The following MAOB variants were observed in gnomAD, a reference collection of about 807,000 sequenced individuals.
MAOB encodes the protein amine oxidase [flavin-containing] B.
Under a neutral mutation model 41.9 loss-of-function variants are expected in MAOB, and 15 were observed. That is an observed-to-expected ratio of 0.36 (90% CI 0.24 to 0.55). The LOEUF (loss-of-function observed/expected upper bound fraction) is 0.55. Ranked by LOEUF, MAOB falls within the 20% of genes least tolerant of loss-of-function variation. The pLI, the probability that MAOB is intolerant of heterozygous loss-of-function variation, is 0.86. For synonymous variants in MAOB, 167 were observed against 144.2 expected (o/e 1.16, Z -1.13); for missense variants, 345 against 398.7 (o/e 0.87, Z 1.15).
chrX:43,844,326 A>G (rs1244692558), intron 1 of MAOB: 2 of 112,269 alleles, frequency 1.8e-5, no homozygotes, highest in Non-Finnish European at 3.8e-5. Flanking sequence ...AATTCCATTC[A>G]TGACTAATTT....
chrX:43,848,495 T>C (rs1020888505), intron 1 of MAOB, among the ~76,000 whole-genome samples: 6 of 110,256 alleles, frequency 5.4e-5, no homozygotes, highest in Non-Finnish European at 9.5e-5. Flanking sequence ...ATATAGGCAT[T>C]CCCTTGGGAC....
At chrX:43,806,850 A>C in intron 3 of MAOB, among the ~76,000 whole-genome samples, 1 of 111,478 alleles carries the variant, frequency 9.0e-6, no homozygotes, top group South Asian at 3.8e-4. Context: ...TTTGTTGCTC[A>C]AATTATTCTA....
chrX:43,773,106 T>C (rs1441476776), intron 12 of MAOB, among the ~76,000 whole-genome samples: 2 of 112,387 alleles, frequency 1.8e-5, no homozygotes, highest in African/African-American at 6.5e-5. Flanking sequence ...CAGAAACCTG[T>C]GGGATCCTAG....
intron 1 of MAOB, among the ~76,000 whole-genome samples, chrX:43,857,084 AATATATATAT>A (rs1157628579): frequency 1.1e-3 from 26 of 22,719 alleles, no homozygotes; most frequent in African/African-American, 3.5e-3. Flanking sequence ...CTATTCTTTA[AATATATATAT>A]ATATATATAT....
At chrX:43,833,066 G>C (rs2035035721) in intron 3 of MAOB, among the ~76,000 whole-genome samples, 1 of 111,264 alleles carries the variant, frequency 9.0e-6, no homozygotes, top group African/African-American at 3.3e-5. Context: ...AACCAGCAGA[G>C]AGTGAGCTCT....
At chrX:43,825,383 A>AATTT (rs2034933342) in intron 3 of MAOB, among the ~76,000 whole-genome samples, 2 of 109,892 alleles carry the variant, frequency 1.8e-5, no homozygotes, top group South Asian at 7.8e-4. Flanking sequence ...ACCCATTTTT[A>AATTT]ATTTATTTAT....
intron 3 of MAOB, among the ~76,000 whole-genome samples, chrX:43,814,677 T>C (rs776197060): frequency 7.1e-5 from 8 of 111,936 alleles, no homozygotes; most frequent in Admixed American, 2.8e-4. Flanking sequence ...ATATATTCAA[T>C]TGGTGTTTGA....
chrX:43,787,358 AAAT>A (rs1346728423), intron 8 of MAOB, among the ~76,000 whole-genome samples: 1 of 111,711 alleles, frequency 9.0e-6, no homozygotes, highest in Non-Finnish European at 1.9e-5. Flanking sequence ...ATTAAAGGAA[AAAT>A]AATAATAAGG....
intron 4 of MAOB, 36 bp downstream of exon 4, chrX:43,803,264 C>CA: frequency 9.2e-7 from 1 of 1,087,792 alleles, no homozygotes; most frequent in Non-Finnish European, 1.2e-6. Flanking sequence ...AAACTTATTA[C>CA]AAAAAAGAAT....
At chrX:43,835,961 G>GAT (rs1275430212) in intron 3 of MAOB, among the ~76,000 whole-genome samples, 1 of 111,757 alleles carries the variant, frequency 8.9e-6, no homozygotes, top group African/African-American at 3.3e-5. Context: ...CAGATTCTTT[G>GAT]ATAGCAGGAT....
intron 13 of MAOB, 44 bp downstream of exon 13, chrX:43,769,263 C>A: frequency 3.5e-6 from 4 of 1,142,588 alleles, no homozygotes; most frequent in Non-Finnish European, 4.6e-6. Context: ...ATGTCAGGAC[C>A]ATGAGTTGCC....
chrX:43,880,074 C>T (rs2035463871), intron 1 of MAOB, among the ~76,000 whole-genome samples: 1 of 112,066 alleles, frequency 8.9e-6, no homozygotes, highest in Non-Finnish European at 1.9e-5. Context: ...TATTAAAGCA[C>T]CTATCATATG....
At chrX:43,769,523 CA>C (rs2034154493) in intron 12 of MAOB, 105 bp from the exon 13 acceptor site, 2 of 1,037,293 alleles carry the variant, frequency 1.9e-6, no homozygotes, top group Admixed American at 4.3e-5. Context: ...TCTAAACAAT[CA>C]AGAAGGACAT....
intron 3 of MAOB, among the ~76,000 whole-genome samples, chrX:43,826,536 G>A (rs1278758418): frequency 1.8e-5 from 2 of 112,418 alleles, no homozygotes; most frequent in Non-Finnish European, 3.7e-5. Flanking sequence ...TTGTATTGCT[G>A]TATTAGAATA....
chrX:43,833,821 C>T (rs1343847140), intron 3 of MAOB, among the ~76,000 whole-genome samples: 1 of 111,509 alleles, frequency 9.0e-6, no homozygotes, highest in South Asian at 3.7e-4. Context: ...ACCTTGGAGG[C>T]GGAAAATGAA....
chrX:43,780,652 T>C (rs1007602785), intron 9 of MAOB, among the ~76,000 whole-genome samples: 2 of 112,032 alleles, frequency 1.8e-5, no homozygotes, highest in Non-Finnish European at 3.8e-5. Flanking sequence ...GATAACACTA[T>C]GGCTGACCCA....
chrX:43,840,744 C>T (rs2035125609), intron 2 of MAOB, among the ~76,000 whole-genome samples: 1 of 110,862 alleles, frequency 9.0e-6, no homozygotes, highest in South Asian at 3.9e-4. Flanking sequence ...CCATGAGGAA[C>T]AGTGCATTCT....
intron 12 of MAOB, among the ~76,000 whole-genome samples, chrX:43,770,486 G>T (rs977982782): frequency 2.7e-5 from 3 of 111,823 alleles, no homozygotes; most frequent in Non-Finnish European, 5.6e-5. Context: ...ATTTGCTCTC[G>T]GTCACAGCTA....
chrX:43,882,326 T>C lies in MAOB; in HGVS notation c.-27A>G, dbSNP rs772436891. The C allele has an allele frequency of 2.6e-5, 31 of 1,197,221 alleles. No homozygotes were observed. The South Asian group carries it at 5.5e-4, about 21-fold the overall frequency. On this transcript the variant is annotated 5_prime_UTR_variant, in exon 1 of 15. Transcript: ENST00000378069. ...GCGCTCGCCCCGTTCCAGGCCTCCC[T>C]GGTGCCCGCTGCTCCGTTTTCTGGG... is the stretch of plus-strand genomic sequence containing the variant.
Sources: allele counts gnomAD v4.1 joint callset (sites outside exome capture counted in the v4.1 genomes callset), GRCh38; gene constraint gnomAD v4.1.1; transcripts MANE v1.5; gene names NCBI Gene and HGNC (gene_info 2026-07-23, HGNC 2026-07-21).